The following PAQR5 variants were observed in gnomAD, a reference collection of about 807,000 sequenced individuals.
PAQR5 encodes progestin and adipoQ receptor family member 5, also known as membrane progestin receptor gamma.
Under a neutral mutation model 34.5 loss-of-function variants are expected in PAQR5, and 20 were observed. The ratio of observed to expected loss-of-function variants is 0.58; its 90% CI spans 0.41 to 0.84. The LOEUF (loss-of-function observed/expected upper bound fraction) is 0.84. Ranked by LOEUF, PAQR5 falls within the 40% of genes least tolerant of loss-of-function variation. The pLI, the probability that PAQR5 is intolerant of heterozygous loss-of-function variation, is 0.00. For synonymous variants in PAQR5, 131 were observed against 155.6 expected (o/e 0.84, Z 1.18); for missense variants, 378 against 412.7 (o/e 0.92, Z 0.73).
intron 1 of PAQR5, among the ~76,000 whole-genome samples, chr15:69,330,710 C>G (rs1256036018): frequency 1.3e-5 from 2 of 152,218 alleles, no homozygotes; most frequent in African/African-American, 4.8e-5. Context: ...TCCTTAAAAA[C>G]TCTGCTCCAG....
At chr15:69,331,597 C>G (rs566982994) in intron 1 of PAQR5, among the ~76,000 whole-genome samples, 5 of 152,046 alleles carry the variant, frequency 3.3e-5, no homozygotes, top group African/African-American at 1.2e-4. Flanking sequence ...TTGGTAAGCC[C>G]TAAAGAAAGC....
intron 1 of PAQR5, among the ~76,000 whole-genome samples, chr15:69,303,757 G>C (rs1312339024): frequency 6.6e-6 from 1 of 152,174 alleles, no homozygotes; most frequent in African/African-American, 2.4e-5. Flanking sequence ...GGAAGCCTTG[G>C]GGTTCTGAGG....
intron 3 of PAQR5, among the ~76,000 whole-genome samples, chr15:69,371,463 T>C (rs1037589908): frequency 4.6e-5 from 7 of 152,148 alleles, no homozygotes; most frequent in African/African-American, 1.7e-4. Flanking sequence ...CTCAAAGTAA[T>C]ATCTAGATTA....
intron 1 of PAQR5, among the ~76,000 whole-genome samples, chr15:69,335,625 C>T (rs1043575528): frequency 8.4e-5 from 12 of 143,056 alleles, no homozygotes; most frequent in Admixed American, 8.0e-4. Flanking sequence ...TCTTGGCTCA[C>T]TGCAACCTCT....
intron 1 of PAQR5, among the ~76,000 whole-genome samples, chr15:69,332,822 T>A (rs1181139007): frequency 6.8e-6 from 1 of 146,354 alleles, no homozygotes; most frequent in Non-Finnish European, 1.5e-5. Context: ...GCTTACCTTC[T>A]CCTTGAGACA....
chr15:69,374,514 A>G (rs2055651330), intron 3 of PAQR5, among the ~76,000 whole-genome samples: 1 of 152,134 alleles, frequency 6.6e-6, no homozygotes. Flanking sequence ...TATCTCTACT[A>G]AAAATACAAA....
intron 5 of PAQR5, among the ~76,000 whole-genome samples, chr15:69,387,168 G>T (rs1200414110): frequency 1.3e-5 from 2 of 152,182 alleles, no homozygotes; most frequent in Admixed American, 1.3e-4. Context: ...CCACTGTCAG[G>T]GCCCTCATCA....
rs117751810 is a variant in PAQR5 at position 69,388,958 on chromosome 15, T to C, written c.386-696T>C. Among the ~76,000 whole-genome samples the C allele has an allele frequency of 8.8e-3, 1,337 of 152,322 alleles. 13 individuals are homozygous for C. Among genetic ancestry groups the C allele is most frequent in the South Asian group, 0.032 (156 of 4,830 alleles). Reference sequence around the variant, plus strand: ...CACCTGGCCCCTTTGAAAAGGACAGTGATCTCCCCTGCTCTTCCAAATAAA... The same window carrying C: ...CACCTGGCCCCTTTGAAAAGGACAGCGATCTCCCCTGCTCTTCCAAATAAA... On this transcript the variant is annotated intron_variant, in intron 5 of 8. Transcript: ENST00000395407.
At chr15:69,300,933 C>CTTTCTTTCCTTCTTTCTTTCTT (rs1183361471) in intron 1 of PAQR5, among the ~76,000 whole-genome samples, 1 of 8,368 alleles carries the variant, frequency 1.2e-4, no homozygotes, top group Non-Finnish European at 3.6e-4. Flanking sequence ...CTCTCTCTCT[C>CTTTCTTTCCTTCTTTCTTTCTT]TCTCTCTTTC....
chr15:69,346,043 G>A (rs2054760265), intron 2 of PAQR5, among the ~76,000 whole-genome samples: 1 of 152,150 alleles, frequency 6.6e-6, no homozygotes, highest in African/African-American at 2.4e-5. Flanking sequence ...ATTCTTAGAG[G>A]CCCTTTTGTT....
intron 1 of PAQR5, among the ~76,000 whole-genome samples, chr15:69,306,261 G>A (rs1004278293): frequency 2.0e-5 from 3 of 152,080 alleles, no homozygotes; most frequent in Non-Finnish European, 2.9e-5. Context: ...GCAGCTTCCC[G>A]AGAGGAAGAG....
At chr15:69,322,637 A>G (rs1225823244) in intron 1 of PAQR5, among the ~76,000 whole-genome samples, 1 of 123,340 alleles carries the variant, frequency 8.1e-6, no homozygotes, top group Non-Finnish European at 1.6e-5. Context: ...GCTGGGTGAC[A>G]GAGTGAGACC....
At chr15:69,317,903 C>A (rs2053992056) in intron 1 of PAQR5, among the ~76,000 whole-genome samples, 1 of 152,152 alleles carries the variant, frequency 6.6e-6, no homozygotes, top group Admixed American at 6.5e-5. Flanking sequence ...TCTCTGGGGA[C>A]ATCGTTCCCT....
chr15:69,383,570 G>GC (rs1282229608), intron 4 of PAQR5, among the ~76,000 whole-genome samples: 1 of 135,034 alleles, frequency 7.4e-6, no homozygotes, highest in Admixed American at 7.3e-5. Flanking sequence ...TGGAGGGTTA[G>GC]TGGGCCTCTG....
chr15:69,346,010 T>A (rs1425214949), intron 2 of PAQR5, among the ~76,000 whole-genome samples: 1 of 152,232 alleles, frequency 6.6e-6, no homozygotes, highest in Non-Finnish European at 1.5e-5. Context: ...GGCAGAGCTT[T>A]ACAGTTATGT....
rs1268369631 is a variant in PAQR5, at chr15:69,300,937, CTCTTTCTTTCCT to C, written c.-277+1892_-277+1903del. Among the ~76,000 whole-genome samples the C allele has an allele frequency of 1.2e-3, 6 of 5,188 alleles. 1 individual carries two copies. Among genetic ancestry groups the C allele is most frequent in the Non-Finnish European group, 1.8e-3 (2 of 1,108 alleles). 3.4% of individuals were successfully genotyped at this position (5,188 alleles called of 152,430 possible). On this transcript the variant is annotated intron_variant, in intron 1 of 8. Coordinates refer to ENST00000395407, the MANE Select transcript of PAQR5 (RefSeq NM_017705.4). Reference sequence around the variant, plus strand: ...CCTTTCTCTCTCTCTCTCTCTCTCTCTCTTTCTTTCCTTCTTTCTTTCTTTCTTTCTTTCTTT... The same window carrying C: ...CCTTTCTCTCTCTCTCTCTCTCTCTCTCTTTCTTTCTTTCTTTCTTTCTTT...
At chr15:69,389,269 GT>G (rs1239577586) in intron 5 of PAQR5, among the ~76,000 whole-genome samples, 1 of 152,252 alleles carries the variant, frequency 6.6e-6, no homozygotes, top group African/African-American at 2.4e-5. Flanking sequence ...TCACTAACCT[GT>G]CTGGGTTTGA....
In PAQR5 at chr15:69,404,972, T is replaced by C. The variant is rs1369977180; in HGVS notation, c.*1150T>C. On this transcript the variant is annotated 3_prime_UTR_variant, in exon 9 of 9. Coordinates refer to ENST00000395407, the MANE Select transcript of PAQR5 (RefSeq NM_017705.4). Reference sequence around the variant, plus strand: ...AACTTGAAGAACTGCTGGTGTTACATGTTCCAAAAGGCATTAGACCTATCA... The same window carrying C: ...AACTTGAAGAACTGCTGGTGTTACACGTTCCAAAAGGCATTAGACCTATCA... 2.5e-6 allele frequency: 1 copy of C among 398,546 alleles called. No individual in the cohort carries two copies. Among genetic ancestry groups the C allele is most frequent in the African/African-American group, 2.1e-5 (1 of 48,660 alleles). 24.7% of individuals were successfully genotyped at this position (398,546 alleles called of 1,614,324 possible).
intron 3 of PAQR5, among the ~76,000 whole-genome samples, chr15:69,366,049 A>G (rs1292932153): frequency 6.6e-6 from 1 of 152,226 alleles, no homozygotes; most frequent in Non-Finnish European, 1.5e-5. Context: ...AACCATCACC[A>G]TGATCACCAG....
Sources: gnomAD v4.1 joint callset for allele counts (sites outside exome capture counted in the v4.1 genomes callset) on GRCh38, gnomAD v4.1.1 for gene constraint, MANE v1.5 for transcripts, NCBI Gene and HGNC (gene_info 2026-07-23, HGNC 2026-07-21) for gene names.